MACROD2: variants seen among roughly 807,000 people sequenced by gnomAD.
MACROD2 encodes the protein ADP-ribose glycohydrolase MACROD2.
MACROD2 carries 36 observed loss-of-function variants against 70.4 expected under a neutral mutation model. The observed-to-expected ratio is 0.51, with a 90% confidence interval of 0.39 to 0.68. The LOEUF is 0.68. Ranked by LOEUF, MACROD2 falls within the 30% of genes least tolerant of loss-of-function variation. The pLI, the probability that MACROD2 is intolerant of heterozygous loss-of-function variation, is 0.00. For missense variants in MACROD2, 496 were observed against 538.4 expected (o/e 0.92, Z 0.78); for synonymous variants, 172 against 178.8 (o/e 0.96, Z 0.30).
intron 4 of MACROD2, among the ~76,000 whole-genome samples, chr20:14,573,920 G>A (rs1376367926): frequency 6.6e-6 from 1 of 152,124 alleles, no homozygotes; most frequent in East Asian, 1.9e-4. Flanking sequence ...TCCAGTTATG[G>A]GATCCCTTAT....
intron 5 of MACROD2, among the ~76,000 whole-genome samples, chr20:14,857,232 C>T (rs888557752): frequency 1.3e-5 from 2 of 152,184 alleles, no homozygotes; most frequent in South Asian, 4.1e-4. Context: ...CCAAATTCTG[C>T]ACATGCAGTT....
At chr20:15,671,515 G>A (rs531183661) in intron 8 of MACROD2, among the ~76,000 whole-genome samples, 19 of 152,258 alleles carry the variant, frequency 1.2e-4, no homozygotes, top group South Asian at 1.2e-3. Flanking sequence ...CATAAAGAAC[G>A]TGAGGAGAGG....
chr20:15,043,854 A>G (rs934669802), intron 5 of MACROD2, among the ~76,000 whole-genome samples: 8 of 152,148 alleles, frequency 5.3e-5, no homozygotes, highest in African/African-American at 1.9e-4. Flanking sequence ...TTTACTTAAT[A>G]TGACCAATTT....
intron 8 of MACROD2, among the ~76,000 whole-genome samples, chr20:15,744,588 G>C (rs6043502): frequency 0.26 from 39,459 of 151,924 alleles, 6,487 homozygotes; most frequent in African/African-American, 0.47. Context: ...AAGCTTGTGG[G>C]TGGTGATGCC....
At chr20:15,023,787 G>T (rs2075208918) in intron 5 of MACROD2, among the ~76,000 whole-genome samples, 1 of 152,092 alleles carries the variant, frequency 6.6e-6, no homozygotes, top group Non-Finnish European at 1.5e-5. Context: ...AATTCTGGGG[G>T]CTGCAATTCA....
At chr20:15,124,907 G>GA (rs554410767) in intron 5 of MACROD2, among the ~76,000 whole-genome samples, 9 of 151,776 alleles carry the variant, frequency 5.9e-5, no homozygotes, top group Admixed American at 5.3e-4. Context: ...AGTGCCATTT[G>GA]AAAAAAACAC....
chr20:14,399,584 T>G (rs1185810381), intron 3 of MACROD2, among the ~76,000 whole-genome samples: 4 of 152,254 alleles, frequency 2.6e-5, no homozygotes, highest in Non-Finnish European at 5.9e-5. Context: ...CTTGAATTTC[T>G]TGGTTCTGTG....
chr20:15,659,872 A>G (rs879729447), intron 8 of MACROD2, among the ~76,000 whole-genome samples: 2 of 152,160 alleles, frequency 1.3e-5, no homozygotes, highest in Non-Finnish European at 2.9e-5. Context: ...TAACTTTCTG[A>G]TGAGATAAAA....
chr20:15,663,338 G>T (rs1243937731), intron 8 of MACROD2, among the ~76,000 whole-genome samples: 2 of 150,832 alleles, frequency 1.3e-5, no homozygotes, highest in East Asian at 3.9e-4. Context: ...GGGGTCAAGC[G>T]ATTCTTGTGC....
At chr20:14,019,796 T>G (rs982863640) in intron 2 of MACROD2, among the ~76,000 whole-genome samples, 8 of 152,140 alleles carry the variant, frequency 5.3e-5, no homozygotes, top group African/African-American at 1.9e-4. Flanking sequence ...AATCTTAGGT[T>G]CTACAATAGT....
chr20:15,287,074 T>C (rs1221470477), intron 6 of MACROD2, among the ~76,000 whole-genome samples: 2 of 152,208 alleles, frequency 1.3e-5, no homozygotes, highest in Non-Finnish European at 2.9e-5. Context: ...AGCAGTTCTC[T>C]TGTATCAGTT....
intron 3 of MACROD2, among the ~76,000 whole-genome samples, chr20:14,398,305 G>GT (rs2083601502): frequency 6.6e-6 from 1 of 151,550 alleles, no homozygotes; most frequent in Non-Finnish European, 1.5e-5. Flanking sequence ...TCTATTTTTA[G>GT]TTTTTTGAGA....
chr20:14,628,683 C>A (rs1338290227), intron 4 of MACROD2: 1 of 152,112 alleles, frequency 6.6e-6, no homozygotes, highest in Non-Finnish European at 1.5e-5. Flanking sequence ...ATAGGGAGAT[C>A]TGGTTTAGGG....
chr20:14,226,116 T>A (rs2081730886), intron 3 of MACROD2, among the ~76,000 whole-genome samples: 1 of 152,118 alleles, frequency 6.6e-6, no homozygotes, highest in Non-Finnish European at 1.5e-5. Flanking sequence ...ATTAGTGAGT[T>A]GCTAAATATC....
intron 5 of MACROD2, among the ~76,000 whole-genome samples, chr20:14,977,625 G>GGGT (rs1456997791): frequency 1.3e-5 from 2 of 152,106 alleles, no homozygotes; most frequent in South Asian, 4.1e-4. Flanking sequence ...CCACATTATA[G>GGGT]GGTGTTATGA....
Position 15,593,457 on chromosome 20 carries a change from A to T in MACROD2, c.645+93610A>T, listed in dbSNP as rs190295843. Among the ~76,000 whole-genome samples the T allele has an allele frequency of 2.0e-5, 3 of 152,324 alleles. No individual in the cohort carries two copies. In the East Asian group the frequency reaches 5.8e-4, roughly 29 times the overall value. On this transcript the variant is annotated intron_variant, in intron 8 of 17. Transcript: ENST00000684519. Reference sequence around the variant, plus strand: ...CTACTGAAAATATTGGCACAATGGCATTTATTGCTAATTGTAAACTACCCT... The same window carrying T: ...CTACTGAAAATATTGGCACAATGGCTTTTATTGCTAATTGTAAACTACCCT...
At chr20:14,884,710 G>A (rs942301554) in intron 5 of MACROD2, 24 of 152,218 alleles carry the variant, frequency 1.6e-4, no homozygotes, top group African/African-American at 5.1e-4. Flanking sequence ...GGAATGGATA[G>A]TCAGACATGC....
intron 8 of MACROD2, among the ~76,000 whole-genome samples, chr20:15,663,597 A>C (rs1443696622): frequency 2.0e-5 from 3 of 151,366 alleles, no homozygotes; most frequent in Non-Finnish European, 1.5e-5. Flanking sequence ...ACAATTAAAA[A>C]CTTGGAAAAA....
At chr20:14,247,508 G>T (rs1381544455) in intron 3 of MACROD2, among the ~76,000 whole-genome samples, 4 of 152,168 alleles carry the variant, frequency 2.6e-5, no homozygotes, top group African/African-American at 9.7e-5. Flanking sequence ...ATTTAGCATA[G>T]CCACATGTTA....
Sources: allele counts gnomAD v4.1 joint callset (sites outside exome capture counted in the v4.1 genomes callset), GRCh38; gene constraint gnomAD v4.1.1; transcripts MANE v1.5; gene names NCBI Gene and HGNC (gene_info 2026-07-23, HGNC 2026-07-21).